The following SORBS3 variants were observed in gnomAD, a reference collection of about 807,000 sequenced individuals.
SORBS3 encodes the protein vinexin.
SORBS3 carries 69 observed loss-of-function variants against 98.0 expected under a neutral mutation model. That is an observed-to-expected ratio of 0.70 (90% CI 0.58 to 0.86). The LOEUF (loss-of-function observed/expected upper bound fraction) is 0.86. SORBS3 is among the 40% of genes least tolerant of loss of function. The pLI is 0.00. For synonymous variants in SORBS3, 394 were observed against 355.4 expected (o/e 1.11, Z -1.22); for missense variants, 954 against 908.5 (o/e 1.05, Z -0.64).
intron 20 of SORBS3, among the ~76,000 whole-genome samples, chr8:22,574,013 G>A (rs538669960): frequency 1.3e-5 from 2 of 152,276 alleles, no homozygotes; most frequent in African/African-American, 4.8e-5. Context: ...GGCAACCCCG[G>A]CCTGGGTCCC....
chr8:22,574,834 C>T lies in SORBS3; in HGVS notation c.*106C>T, dbSNP rs1251791043. Reference sequence around the variant, plus strand: ...ACATCCTCCTTCCCCAGGACCTGAGCTCCCAGCATCTGCAGACGACCCCCG... The same window carrying T: ...ACATCCTCCTTCCCCAGGACCTGAGTTCCCAGCATCTGCAGACGACCCCCG... On this transcript the variant is annotated 3_prime_UTR_variant, in exon 21 of 21. Coordinates refer to ENST00000240123, the MANE Select transcript of SORBS3 (RefSeq NM_005775.5). 7 of 1,107,624 alleles carry T rather than the reference C, an allele frequency of 6.3e-6. No individual in the cohort carries two copies. Among genetic ancestry groups the T allele is most frequent in the Non-Finnish European group, 8.3e-6 (6 of 724,060 alleles). 68.6% of individuals were successfully genotyped at this position (1,107,624 alleles called of 1,614,324 possible).
chr8:22,569,079 A>T (rs1310146008), intron 16 of SORBS3, 69 bp from the exon 17 acceptor site: 3 of 1,458,048 alleles, frequency 2.1e-6, no homozygotes, highest in African/African-American at 2.9e-5. Flanking sequence ...TTGCTGTCTC[A>T]CAGGAACCCC....
chr8:22,567,922 A>G (rs764527637), intron 16 of SORBS3, among the ~76,000 whole-genome samples: 11 of 149,010 alleles, frequency 7.4e-5, no homozygotes, highest in Middle Eastern at 6.9e-3. Flanking sequence ...ATCTTGGTGC[A>G]CTGCAACCTC....
At chr8:22,571,857 G>C (rs766770137) in intron 19 of SORBS3, 36 bp downstream of exon 19, 6 of 1,460,204 alleles carry the variant, frequency 4.1e-6, no homozygotes, top group South Asian at 1.1e-5. Flanking sequence ...TCAGACGTGG[G>C]GGGGGTCACT....
At chr8:22,558,360 G>A (rs1427397990) in intron 5 of SORBS3, among the ~76,000 whole-genome samples, 168 bp downstream of exon 5, 1 of 152,068 alleles carries the variant, frequency 6.6e-6, no homozygotes, top group Admixed American at 6.6e-5. Flanking sequence ...CCCTGTACTC[G>A]GGGCCAGCAG....
At chr8:22,574,424 G>A (rs1275441159) in intron 20 of SORBS3, among the ~76,000 whole-genome samples, 1 of 152,192 alleles carries the variant, frequency 6.6e-6, no homozygotes, top group African/African-American at 2.4e-5. Flanking sequence ...TGTGTACAGT[G>A]TGATGCACAT....
intron 1 of SORBS3, among the ~76,000 whole-genome samples, chr8:22,545,854 G>A (rs1305395693): frequency 6.6e-6 from 1 of 152,226 alleles, no homozygotes; most frequent in Non-Finnish European, 1.5e-5. Flanking sequence ...ATGTGTTTTT[G>A]TCACAGAACT....
Position 22,574,848 on chromosome 8 carries a change from A to T in SORBS3, c.*120A>T. ...CAGGACCTGAGCTCCCAGCATCTGC[A>T]GACGACCCCCGCAGCCTTTCCCTCG... On this transcript the variant is annotated 3_prime_UTR_variant, in exon 21 of 21. Coordinates refer to ENST00000240123, the MANE Select transcript of SORBS3 (RefSeq NM_005775.5). The T allele has an allele frequency of 1.0e-6, 1 of 978,080 alleles. No individual in the cohort carries two copies. The highest frequency in any genetic ancestry group is 1.6e-6 in the Non-Finnish European group (1 of 610,474). 60.6% of individuals were successfully genotyped at this position (978,080 alleles called of 1,614,324 possible).
chr8:22,568,664 A>T (rs1470347989), intron 16 of SORBS3, among the ~76,000 whole-genome samples: 1 of 152,108 alleles, frequency 6.6e-6, no homozygotes, highest in Non-Finnish European at 1.5e-5. Flanking sequence ...GGGCAGAGTG[A>T]AGCAAAGAGA....
intron 3 of SORBS3, among the ~76,000 whole-genome samples, 191 bp downstream of exon 3, chr8:22,555,171 C>A (rs549595796): frequency 6.6e-6 from 1 of 152,222 alleles, no homozygotes. Flanking sequence ...AAGAGACACC[C>A]GCTTGGGGAG....
chr8:22,553,256 G>A (rs1462909432), intron 1 of SORBS3, among the ~76,000 whole-genome samples: 1 of 152,090 alleles, frequency 6.6e-6, no homozygotes, highest in African/African-American at 2.4e-5. Context: ...TCGCAGCTCT[G>A]CACCCAGATT....
chr8:22,569,667 T>C (rs1421434732), intron 17 of SORBS3, among the ~76,000 whole-genome samples: 1 of 152,158 alleles, frequency 6.6e-6, no homozygotes. Context: ...AAGAGTCCGA[T>C]GTACCTAGCT....
chr8:22,565,861 G>GC lies in SORBS3; in HGVS notation c.944dup (p.Ala316GlyfsTer30). ...CGCCCCGACGGGCCCCGGAGCAGCG[G>GC]CCCCCGGCCGGGTGAGTGGGAGACG... On this transcript the variant is annotated frameshift_variant, in exon 12 of 21. Coordinates refer to ENST00000240123, the MANE Select transcript of SORBS3 (RefSeq NM_005775.5). LOFTEE classifies it high-confidence loss of function. 1 of 1,272,516 alleles carries GC rather than the reference G, an allele frequency of 7.9e-7. No individual in the cohort carries two copies. The highest frequency in any genetic ancestry group is 9.9e-7 in the Non-Finnish European group (1 of 1,009,442). The allele number at this position is 1,272,516 out of a possible 1,614,324, so 78.8% of individuals were successfully genotyped here.
intron 17 of SORBS3, among the ~76,000 whole-genome samples, chr8:22,569,870 A>C (rs1840526926): frequency 6.6e-6 from 1 of 152,094 alleles, no homozygotes; most frequent in Non-Finnish European, 1.5e-5. Flanking sequence ...AAAGATCATC[A>C]TAAACTTCTA....
chr8:22,556,883 G>A lies in SORBS3; in HGVS notation c.389G>A (p.Ser130Asn), dbSNP rs1563817542. ...GAGGGAATCGGGCCCGTGGACGAGA[G>A]CGGCATGCCCATTGCCCCCCGATCC... ...KYEGIGPVDE[S>N]GMPIAPRSSV... The change falls in exon 4 of 21, where the codon AGC becomes AAC. Residue 130 changes from serine (S) to asparagine (N), a missense_variant. Physicochemically the swap from Ser to Asn is conservative, Grantham distance 46. Transcript: ENST00000240123. 1.2e-6 allele frequency: 2 copies of A among 1,613,140 alleles called. No individual in the cohort carries two copies. The highest frequency in any genetic ancestry group is 8.5e-7 in the Non-Finnish European group (1 of 1,180,048).
chr8:22,552,824 G>A (rs550118992), intron 1 of SORBS3, among the ~76,000 whole-genome samples: 113 of 152,256 alleles, frequency 7.4e-4, no homozygotes, highest in African/African-American at 2.6e-3. Context: ...ACTCCCCCCC[G>A]CAAGGGGAGG....
rs80139104 is a variant in SORBS3 at position 22,568,457 on chromosome 8, G to C, written c.1306-691G>C. Among the ~76,000 whole-genome samples, 808 of 152,128 alleles carry C rather than the reference G, an allele frequency of 5.3e-3. 5 individuals are homozygous for C. The highest frequency in any genetic ancestry group is 0.036 in the East Asian group (186 of 5,178). On this transcript the variant is annotated intron_variant, in intron 16 of 20. Coordinates refer to ENST00000240123, the MANE Select transcript of SORBS3 (RefSeq NM_005775.5). Reference sequence around the variant, plus strand: ...CAACTCTTGACTGTTTTCTCATCTCGTCTGTGACTTCCTCTTTGACCCATG... The same window carrying C: ...CAACTCTTGACTGTTTTCTCATCTCCTCTGTGACTTCCTCTTTGACCCATG...
intron 7 of SORBS3, among the ~76,000 whole-genome samples, chr8:22,563,135 A>G (rs1430248292): frequency 6.6e-6 from 1 of 151,954 alleles, no homozygotes. Context: ...AAAAAAAATT[A>G]TGATTACTGC....
Position 22,566,502 on chromosome 8 carries a change from C to T in SORBS3, c.1090+18C>T. ...AACCCGAGGTAAGGACCCAGCCCTGCTCTCTTTCTCACGGAGATGCCCACC... is the reference window on the plus strand; with the variant it reads ...AACCCGAGGTAAGGACCCAGCCCTGTTCTCTTTCTCACGGAGATGCCCACC... On this transcript the variant is annotated intron_variant, in intron 13 of 20. Coordinates refer to ENST00000240123, the MANE Select transcript of SORBS3 (RefSeq NM_005775.5). The T allele has an allele frequency of 6.2e-7, 1 of 1,610,312 alleles. No individual in the cohort carries two copies. The highest frequency in any genetic ancestry group is 8.5e-7 in the Non-Finnish European group (1 of 1,177,910).
Sources: gnomAD v4.1 joint callset for allele counts (sites outside exome capture counted in the v4.1 genomes callset) on GRCh38, gnomAD v4.1.1 for gene constraint, MANE v1.5 for transcripts, NCBI Gene and HGNC (gene_info 2026-07-23, HGNC 2026-07-21) for gene names.